The following TXNL4A variants were observed in gnomAD, a reference collection of about 807,000 sequenced individuals.
TXNL4A encodes the protein thioredoxin like 4A.
In TXNL4A, 17 loss-of-function variants were observed where a neutral mutation model predicts 14.6. The observed-to-expected ratio is 1.16, with a 90% CI of 0.80 to 1.74. TXNL4A has a LOEUF of 1.74. TXNL4A is among the 40% of genes most tolerant of loss of function. The pLI is 0.00. For synonymous variants in TXNL4A, 83 were observed against 70.6 expected, an observed-to-expected ratio of 1.18 and a Z score of -0.88; for missense variants, 74 against 195.2, an observed-to-expected ratio of 0.38 and a Z score of 3.70.
At chr18:79,998,914 T>A (rs2051680068) in intron 1 of TXNL4A, among the ~76,000 whole-genome samples, 2 of 152,156 alleles carry the variant, frequency 1.3e-5, no homozygotes, top group South Asian at 4.1e-4. Flanking sequence ...CTACAAGAGA[T>A]GCCACTGGAT....
At chr18:80,010,172 G>T (rs1294857346) in intron 1 of TXNL4A, among the ~76,000 whole-genome samples, 1 of 152,188 alleles carries the variant, frequency 6.6e-6, no homozygotes, top group African/African-American at 2.4e-5. Context: ...ACACAAAGGT[G>T]AAGTTGGGGC....
intron 1 of TXNL4A, among the ~76,000 whole-genome samples, chr18:80,012,116 C>T (rs911548497): frequency 6.6e-6 from 1 of 152,098 alleles, no homozygotes; most frequent in Non-Finnish European, 1.5e-5. Context: ...TCGGGGTACC[C>T]ACCGGGTAGT....
At chr18:79,976,377 C>T (rs2051379635) in intron 2 of TXNL4A, among the ~76,000 whole-genome samples, 2 of 152,188 alleles carry the variant, frequency 1.3e-5, no homozygotes, top group Admixed American at 6.5e-5. Context: ...CTCAATGTGC[C>T]GGCATGCCAG....
Position 79,982,790 on chromosome 18 carries a change from G to C in TXNL4A, c.154-5089C>G, listed in dbSNP as rs2051484061. Among the ~76,000 whole-genome samples the C allele has an allele frequency of 6.6e-6, 1 of 152,116 alleles. No homozygotes were observed. Among genetic ancestry groups the C allele is most frequent in the Admixed American group, 6.5e-5 (1 of 15,270 alleles). ...GGCTGAAAGAGGCAGGCAGAGGGGA[G>C]CTCCCCAGCCTCCCACCACCCCATT... On this transcript the variant is annotated intron_variant, in intron 1 of 2. Transcript: ENST00000269601. This position sits in a 1 kb window ranked among gnomAD's most constrained non-coding sequence, Gnocchi z 4.0.
chr18:80,002,672 T>A (rs113679578), intron 1 of TXNL4A, among the ~76,000 whole-genome samples: 1 of 152,192 alleles, frequency 6.6e-6, no homozygotes. Flanking sequence ...GGCACCCCCA[T>A]TCTAGGAAAT....
intron 2 of TXNL4A, chr18:79,976,718 C>G (rs954168302): frequency 1.1e-5 from 5 of 450,322 alleles, no homozygotes; most frequent in African/African-American, 1.0e-4. Context: ...CCTTCCTTAC[C>G]GAGTAGGAGG....
intron 1 of TXNL4A, among the ~76,000 whole-genome samples, chr18:80,007,208 A>G (rs1467546093): frequency 1.3e-5 from 2 of 152,146 alleles, no homozygotes; most frequent in Non-Finnish European, 1.5e-5. Flanking sequence ...CGAGCCACAG[A>G]CAAAACCTCT....
At position 80,002,090 on chromosome 18, in the gene TXNL4A, T is replaced by C. The variant is rs925379300; in HGVS notation, c.-60-24389A>G. ...GAATTAGGGGGGCAGTTTTTCCCCA[T>C]ACTTTTCTCCTGGTAGTGAACAAAT... On this transcript the variant is annotated intron_variant, in intron 1 of 2. Transcript: ENST00000585474. Among the ~76,000 whole-genome samples the C allele has an allele frequency of 3.3e-5, 5 of 152,188 alleles. No individual in the cohort carries two copies. The East Asian group carries it at 5.8e-4, about 18-fold the overall frequency.
intron 1 of TXNL4A, among the ~76,000 whole-genome samples, chr18:80,025,214 G>C (rs951630881): frequency 4.7e-4 from 72 of 152,194 alleles, no homozygotes; most frequent in Non-Finnish European, 5.9e-5. Flanking sequence ...GTAGCAAAAG[G>C]GGTGAAGACT....
chr18:80,031,338 A>C (rs184904044), intron 1 of TXNL4A, among the ~76,000 whole-genome samples: 1 of 152,188 alleles, frequency 6.6e-6, no homozygotes, highest in Admixed American at 6.5e-5. Context: ...GCAGTGACCA[A>C]CTATTTATTG....
chr18:80,003,367 C>T (rs978435772), intron 1 of TXNL4A, among the ~76,000 whole-genome samples: 1 of 152,212 alleles, frequency 6.6e-6, no homozygotes, highest in African/African-American at 2.4e-5. Flanking sequence ...ACCCAGAGGG[C>T]AAGCATGTGA....
At chr18:80,015,350 T>A (rs114214423) in intron 1 of TXNL4A, among the ~76,000 whole-genome samples, 2,809 of 127,184 alleles carry the variant, frequency 0.022, 86 homozygotes, top group African/African-American at 0.073. Flanking sequence ...AATGCTTTTT[T>A]AAAAAATTAT....
chr18:79,979,091 C>T (rs1408958741), intron 1 of TXNL4A, among the ~76,000 whole-genome samples: 1 of 151,824 alleles, frequency 6.6e-6, no homozygotes, highest in Admixed American at 6.6e-5. Flanking sequence ...GTGTGTGCCA[C>T]CACGTCTGGC....
rs1394874404 is a variant in TXNL4A at position 80,012,269 on chromosome 18, G to A, written c.-61+21582C>T. The stretch of plus-strand genomic sequence containing the variant: ...TCTAATATAGGATTCTTGTGTGCAT[G>A]TCCTTTTAAGTTTTTTCTGTTAAAT... On this transcript the variant is annotated intron_variant, in intron 1 of 2. Transcript: ENST00000585474. Among the ~76,000 whole-genome samples the A allele has an allele frequency of 2.6e-5, 4 of 152,154 alleles. No homozygotes were observed. The East Asian group carries it at 7.7e-4, about 29-fold the overall frequency.
At chr18:80,016,439 T>C (rs1263789933) in intron 1 of TXNL4A, among the ~76,000 whole-genome samples, 2 of 151,534 alleles carry the variant, frequency 1.3e-5, no homozygotes, top group East Asian at 1.9e-4. Flanking sequence ...TCCTTGCCCA[T>C]GCCTATGTCC....
At chr18:79,979,366 A>C (rs1245137864) in intron 1 of TXNL4A, 1 of 152,192 alleles carries the variant, frequency 6.6e-6, no homozygotes, top group African/African-American at 2.4e-5. Flanking sequence ...GTCCCTGCCC[A>C]AATCTCAGGT....
At chr18:79,997,621 A>G (rs187359106) in intron 1 of TXNL4A, among the ~76,000 whole-genome samples, 69 of 152,268 alleles carry the variant, frequency 4.5e-4, no homozygotes, top group African/African-American at 1.6e-3. Flanking sequence ...GAAGGGCAAT[A>G]TATGTGGACG....
At chr18:80,030,567 C>T (rs1445791466) in intron 1 of TXNL4A, 3 of 152,330 alleles carry the variant, frequency 2.0e-5, no homozygotes, top group South Asian at 2.1e-4. Flanking sequence ...ATCCTCCTTC[C>T]AAGGTCAGGA....
At chr18:80,028,889 T>C (rs1368041937) in intron 1 of TXNL4A, among the ~76,000 whole-genome samples, 1 of 152,158 alleles carries the variant, frequency 6.6e-6, no homozygotes, top group Non-Finnish European at 1.5e-5. Context: ...AAAACCCAAA[T>C]GTTTGGCAAT....
Sources: allele counts gnomAD v4.1 joint callset (sites outside exome capture counted in the v4.1 genomes callset), GRCh38; gene constraint gnomAD v4.1.1; non-coding constraint Gnocchi (gnomAD v3.1); transcripts MANE v1.5; gene names NCBI Gene and HGNC (gene_info 2026-07-23, HGNC 2026-07-21).